Variants in MROH9 observed in about 807,000 individuals in gnomAD.
MROH9 encodes maestro heat like repeat family member 9.
MROH9 carries 92 observed loss-of-function variants against 98.2 expected under a neutral mutation model. That is an observed-to-expected ratio of 0.94 (90% CI 0.79 to 1.11). The LOEUF (loss-of-function observed/expected upper bound fraction) is 1.11. Ranked by LOEUF, MROH9 falls within the 50% of genes most tolerant of loss-of-function variation. The pLI, the probability that MROH9 is intolerant of heterozygous loss-of-function variation, is 0.00. For missense variants in MROH9, 1,057 were observed against 1,014.8 expected (o/e 1.04, Z -0.57); for synonymous variants, 397 against 368.9 (o/e 1.08, Z -0.87).
Position 171,027,490 on chromosome 1 carries a change from TTTTA to T in MROH9, c.2281+2071_2281+2074del, listed in dbSNP as rs538851639. 2.8e-3 allele frequency among the ~76,000 whole-genome samples: 423 copies of T among 152,280 alleles called. 3 individuals carry two copies. The highest frequency in any genetic ancestry group is 5.3e-3 in the Non-Finnish European group (360 of 67,996). ...GTGGGTTGGTTCCATGTCTTTGCCA[TTTTA>T]AATGGTGCTGCAATAAACATACATG... On this transcript the variant is annotated intron_variant, in intron 20 of 21. Transcript: ENST00000367759.
Position 171,016,224 on chromosome 1 carries a change from A to C in MROH9, c.1796A>C (p.Asn599Thr), listed in dbSNP as rs1652322566. 4 of 1,540,578 alleles carry C rather than the reference A, an allele frequency of 2.6e-6. No homozygotes were observed. Among genetic ancestry groups the C allele is most frequent in the Non-Finnish European group, 3.5e-6 (4 of 1,142,136 alleles). The part of the protein sequence containing the change: ...ILDAFLSKDD[N>T]VVLQALLTLR... ...GATGCCTTCCTTTCCAAAGACGATA[A>C]TGTTGTACTTCAGGCCTTGCTCACC... Residue 599 changes from asparagine (N) to threonine (T), a missense_variant, in exon 17 of 22, where the codon AAT becomes ACT. Transcript: ENST00000367759.
At position 170,996,608 on chromosome 1, in the gene MROH9, A is replaced by G. The variant is rs1651581008; in HGVS notation, c.1439A>G (p.Asp480Gly). Residue 480 changes from aspartate to glycine, a missense_variant, in exon 14 of 22, where the codon GAT becomes GGT. By Grantham distance (94) the Asp-to-Gly change is moderately conservative (BLOSUM62 -1). Coordinates refer to ENST00000367759, the MANE Select transcript of MROH9 (RefSeq NM_001163629.2). ...KENFWDQLSEDLCYYHGVCFI... is the reference protein window; with the variant it reads ...KENFWDQLSEGLCYYHGVCFI... ...AATTTCTGGGACCAGTTATCTGAAG[A>G]TCTGTGTTACTATCATGGAGTCTGC... is the stretch of plus-strand genomic sequence containing the variant. 1 of 1,613,436 alleles carries G rather than the reference A, an allele frequency of 6.2e-7. No individual in the cohort carries two copies. The highest frequency in any genetic ancestry group is 1.1e-5 in the South Asian group (1 of 91,060).
At position 170,992,245 on chromosome 1, in the gene MROH9, GA is replaced by G. The variant is rs752177846; in HGVS notation, c.1113del (p.Gly372GlufsTer10). 2 of 1,613,486 alleles carry G rather than the reference GA, an allele frequency of 1.2e-6. No homozygotes were observed. The highest frequency in any genetic ancestry group is 1.7e-6 in the Non-Finnish European group (2 of 1,179,702). On this transcript the variant is annotated frameshift_variant, in exon 12 of 22. Transcript: ENST00000367759. LOFTEE classifies it high-confidence loss of function. The stretch of plus-strand genomic sequence containing the variant: ...TGCTGAAGACAATCTTATTGATACT[GA>G]AAGGAAAGCCTGGGGAAATGGAGGA... Reference protein sequence around the residue: ...HVLKTILLILKGKPGEMEDTV... With the variant: ...HVLKTILLILXGKPGEMEDTV...
rs975660190 is a variant in MROH9 at position 170,983,281 on chromosome 1, T to C, written c.617-141T>C. 6.7e-6 allele frequency: 4 copies of C among 599,702 alleles called. No individual in the cohort carries two copies. The African/African-American group carries it at 7.4e-5, about 11-fold the overall frequency. The allele number at this position is 599,702 out of a possible 1,614,324, so 37.1% of individuals were successfully genotyped here. Reference sequence around the variant, plus strand: ...TGAGTGCCATAAAATTTTATGAGACTAAACTATGAGCAGAGAGTTAAATAT... The same window carrying C: ...TGAGTGCCATAAAATTTTATGAGACCAAACTATGAGCAGAGAGTTAAATAT... On this transcript the variant is annotated intron_variant, in intron 8 of 21. Transcript: ENST00000367759.
At position 170,965,138 on chromosome 1, in the gene MROH9, A is replaced by T. The variant is rs760825333; in HGVS notation, c.376-13A>T. On this transcript the variant is annotated splice_polypyrimidine_tract_variant and intron_variant, in intron 6 of 21. Coordinates refer to ENST00000367759, the MANE Select transcript of MROH9 (RefSeq NM_001163629.2). ...ATTTCATGGTTCTAGGATGACTTTT[A>T]TGTTTCCAACAGGAAATGCTCGTGT... 2.5e-5 allele frequency: 40 copies of T among 1,589,888 alleles called. No homozygotes were observed. Among genetic ancestry groups the T allele is most frequent in the South Asian group, 2.5e-4 (22 of 89,524 alleles).
At chr1:170,975,548 C>T (rs1018311169) in intron 8 of MROH9, among the ~76,000 whole-genome samples, 17 of 152,152 alleles carry the variant, frequency 1.1e-4, no homozygotes, top group African/African-American at 4.1e-4. Context: ...CCCTCACTCC[C>T]CTTTCACCTT....
chr1:171,055,651 G>T (rs1571173019), intron 20 of MROH9, among the ~76,000 whole-genome samples: 1 of 150,698 alleles, frequency 6.6e-6, no homozygotes, highest in East Asian at 1.9e-4. Context: ...AGATACAGTG[G>T]ACTTTGGGGA....
intron 3 of MROH9, among the ~76,000 whole-genome samples, chr1:170,958,044 C>T (rs538488075): frequency 3.2e-4 from 49 of 152,176 alleles, no homozygotes; most frequent in Middle Eastern, 3.4e-3. Flanking sequence ...CTCCTGACCT[C>T]GTGGTCCCCC....
chr1:171,014,988 A>G (rs549409537), intron 16 of MROH9: 6 of 471,732 alleles, frequency 1.3e-5, no homozygotes, highest in South Asian at 6.2e-5. Flanking sequence ...ATTGACTCAC[A>G]TGAATACTTC....
At chr1:171,003,528 C>A (rs1014052674) in intron 15 of MROH9, among the ~76,000 whole-genome samples, 6 of 152,190 alleles carry the variant, frequency 3.9e-5, no homozygotes, top group Non-Finnish European at 8.8e-5. Context: ...GGTCTAGCCA[C>A]CCTGTGAGTC....
chr1:171,057,301 C>G (rs1653870904), intron 20 of MROH9, among the ~76,000 whole-genome samples: 1 of 152,142 alleles, frequency 6.6e-6, no homozygotes, highest in South Asian at 2.1e-4. Context: ...AAACACAGCA[C>G]AAGAACTTCA....
intron 8 of MROH9, among the ~76,000 whole-genome samples, chr1:170,972,972 TA>T (rs1028674114): frequency 4.6e-5 from 7 of 150,584 alleles, no homozygotes; most frequent in African/African-American, 1.7e-4. Context: ...CCACCTAGAG[TA>T]CATTTCTAAG....
At chr1:171,006,222 T>A (rs999579488) in intron 15 of MROH9, among the ~76,000 whole-genome samples, 3 of 152,276 alleles carry the variant, frequency 2.0e-5, no homozygotes, top group East Asian at 1.9e-4. Flanking sequence ...TCAGGTTTTT[T>A]TTCTTTCAGC....
chr1:170,998,742 T>C, intron 15 of MROH9: 1 of 988,402 alleles, frequency 1.0e-6, no homozygotes, highest in African/African-American at 1.7e-5. Flanking sequence ...ATTGTAATAC[T>C]ATAATGGAAT....
rs1385297102 is a variant in MROH9 at position 170,958,453 on chromosome 1, G to C, written c.73-8G>C. On this transcript the variant is annotated splice_region_variant and splice_polypyrimidine_tract_variant and intron_variant, in intron 3 of 21. Transcript: ENST00000367759. ...TCTTTTTTTTTTTTTTTTTAACATG[G>C]TACTTAGGCACATAAAGTTAACAGC... 6.9e-7 allele frequency: 1 copy of C among 1,458,270 alleles called. No individual in the cohort carries two copies. The highest frequency in any genetic ancestry group is 1.5e-5 in the African/African-American group (1 of 68,914). 90.3% of individuals were successfully genotyped at this position (1,458,270 alleles called of 1,614,324 possible). A position where few individuals can be genotyped will look rare whatever the true frequency, so the allele number is the denominator to read the frequency against.
At chr1:170,942,195 C>T (rs182175668) in intron 1 of MROH9, among the ~76,000 whole-genome samples, 2 of 152,196 alleles carry the variant, frequency 1.3e-5, no homozygotes, top group Non-Finnish European at 2.9e-5. Flanking sequence ...CACATTTCCT[C>T]ATGGGTCACA....
chr1:170,946,472 T>A (rs538834638), intron 2 of MROH9, among the ~76,000 whole-genome samples: 2 of 152,050 alleles, frequency 1.3e-5, no homozygotes, highest in East Asian at 3.9e-4. Flanking sequence ...GAAAAGGATA[T>A]TAGTGGAAAA....
chr1:170,945,435 T>C (rs1278720172), intron 1 of MROH9, 85 bp from the exon 2 acceptor site: 19 of 842,058 alleles, frequency 2.3e-5, no homozygotes, highest in Non-Finnish European at 3.8e-5. Flanking sequence ...ATACTGTATA[T>C]CATAGTACCA....
At chr1:170,948,127 C>T (rs1307163919) in intron 3 of MROH9, among the ~76,000 whole-genome samples, 1 of 151,896 alleles carries the variant, frequency 6.6e-6, no homozygotes, top group Non-Finnish European at 1.5e-5. Flanking sequence ...ACAGTATTGT[C>T]TTAGTGGATA....
Sources: allele counts gnomAD v4.1 joint callset (sites outside exome capture counted in the v4.1 genomes callset), GRCh38; gene constraint gnomAD v4.1.1; transcripts MANE v1.5; gene names NCBI Gene and HGNC (gene_info 2026-07-23, HGNC 2026-07-21).